RASD2: variants seen among roughly 807,000 people sequenced by gnomAD.
The protein encoded by RASD2 is RASD family member 2, also known as GTP-binding protein Rhes.
RASD2 carries 7 observed loss-of-function variants against 15.8 expected under a neutral mutation model. The observed-to-expected ratio is 0.44, with a 90% confidence interval of 0.25 to 0.83. RASD2 has a LOEUF of 0.83. Among genes scored for constraint, RASD2 ranks in the 40% least tolerant of loss-of-function variants. The probability of loss-of-function intolerance (pLI) is 0.20; values close to 1 mark genes in which losing one functional copy is unlikely to be tolerated. For synonymous variants in RASD2, 155 were observed against 153.6 expected, an observed-to-expected ratio of 1.01 and a Z score of -0.07; for missense variants, 274 against 382.8, an observed-to-expected ratio of 0.72 and a Z score of 2.37.
chr22:35,545,955 C>A (rs1351340751), intron 1 of RASD2, among the ~76,000 whole-genome samples: 1 of 152,060 alleles, frequency 6.6e-6, no homozygotes, highest in Non-Finnish European at 1.5e-5. Context: ...GGTCAAGAGG[C>A]TCCCATAGAA....
rs143314916 is a variant in RASD2, at chr22:35,548,134, G to A, written c.271+1054G>A. Among the ~76,000 whole-genome samples, 138 of 152,324 alleles carry A rather than the reference G, an allele frequency of 9.1e-4. 1 individual carries two copies. Among genetic ancestry groups the A allele is most frequent in the African/African-American group, 3.0e-3 (123 of 41,568 alleles). On this transcript the variant is annotated intron_variant, in intron 2 of 2. Coordinates refer to ENST00000216127, the MANE Select transcript of RASD2 (RefSeq NM_014310.4). ...AGGTTGGGGGGAAGAAGGGGTGAGT[G>A]GAGCTGAGGGGCTGTGCCCTTGTTT...
the RASD2 span, among the ~76,000 whole-genome samples, chr22:35,533,941 T>C: frequency 6.7e-6 from 1 of 148,994 alleles, no homozygotes; most frequent in African/African-American, 2.6e-5. Context: ...GTGATGATGA[T>C]GGTGATGATG....
upstream of RASD2, among the ~76,000 whole-genome samples, chr22:35,538,468 G>A (rs950912501): frequency 6.6e-6 from 1 of 152,090 alleles, no homozygotes; most frequent in Non-Finnish European, 1.5e-5. Flanking sequence ...GGGGGAAGGG[G>A]AAAATAGGCA....
upstream of RASD2, among the ~76,000 whole-genome samples, chr22:35,540,422 G>C (rs1199713325): frequency 6.7e-6 from 1 of 148,852 alleles, no homozygotes; most frequent in Non-Finnish European, 1.5e-5. Flanking sequence ...CGCGGGACCC[G>C]CCTCCCATTG....
chr22:35,538,227 C>T (rs547666832), upstream of RASD2, among the ~76,000 whole-genome samples: 414 of 152,268 alleles, frequency 2.7e-3, 1 homozygote, highest in Middle Eastern at 6.8e-3. Context: ...CCATCTTGGC[C>T]TCCCAAAGTG....
upstream of RASD2, among the ~76,000 whole-genome samples, chr22:35,538,724 T>C (rs1295708398): frequency 6.6e-6 from 1 of 152,182 alleles, no homozygotes; most frequent in Non-Finnish European, 1.5e-5. Flanking sequence ...AGGGAGCAAT[T>C]GGTTCTTGGG....
intron 1 of RASD2, among the ~76,000 whole-genome samples, chr22:35,541,951 C>G (rs1934360091): frequency 1.3e-5 from 2 of 152,174 alleles, no homozygotes; most frequent in African/African-American, 4.8e-5. Context: ...GAAGCTCCTT[C>G]GTTATCCAGA....
chr22:35,546,302 A>T (rs1934501416), intron 1 of RASD2, among the ~76,000 whole-genome samples: 1 of 152,180 alleles, frequency 6.6e-6, no homozygotes, highest in Non-Finnish European at 1.5e-5. Flanking sequence ...CAGGCTTAAG[A>T]AATGCATGCT....
upstream of RASD2, among the ~76,000 whole-genome samples, chr22:35,539,152 C>G (rs544250668): frequency 6.6e-6 from 1 of 152,338 alleles, no homozygotes; most frequent in African/African-American, 2.4e-5. Flanking sequence ...AGTCACTTTC[C>G]ATATTCAAAG....
At chr22:35,539,209 T>G (rs1000923296), upstream of RASD2, among the ~76,000 whole-genome samples, 5 of 152,216 alleles carry the variant, frequency 3.3e-5, no homozygotes, top group Non-Finnish European at 5.9e-5. Flanking sequence ...CCCATCAATA[T>G]CATACCCATT....
At chr22:35,545,508 G>A (rs956791023) in intron 1 of RASD2, among the ~76,000 whole-genome samples, 9 of 152,140 alleles carry the variant, frequency 5.9e-5, no homozygotes, top group Non-Finnish European at 1.0e-4. Flanking sequence ...CCAGCCATGC[G>A]CCTTGTGCAG....
Position 35,552,188 on chromosome 22 carries a change from C to G in RASD2, c.*156C>G. ...CCCCGGGCGCTGGCCTCCGCACATT[C>G]GTCTGCCTTCTCACAGCTTTCCTGA... is the stretch of plus-strand genomic sequence containing the variant. On this transcript the variant is annotated 3_prime_UTR_variant, in exon 3 of 3. Transcript: ENST00000216127. 1.1e-6 allele frequency: 1 copy of G among 942,832 alleles called. No homozygotes were observed. Among genetic ancestry groups the G allele is most frequent in the Non-Finnish European group, 1.5e-6 (1 of 650,034 alleles). 58.4% of individuals were successfully genotyped at this position (942,832 alleles called of 1,614,324 possible).
At chr22:35,539,048 A>G (rs902086362), upstream of RASD2, among the ~76,000 whole-genome samples, 2 of 152,214 alleles carry the variant, frequency 1.3e-5, no homozygotes, top group African/African-American at 4.8e-5. Flanking sequence ...ACAATCAGGT[A>G]GTACAGGTAC....
intron 1 of RASD2, among the ~76,000 whole-genome samples, chr22:35,543,975 T>G (rs1934425334): frequency 6.7e-6 from 1 of 150,358 alleles, no homozygotes; most frequent in Non-Finnish European, 1.5e-5. Context: ...TCCCTGCCTC[T>G]TTGACCCTCT....
chr22:35,539,997 C>T (rs1171371593), upstream of RASD2, among the ~76,000 whole-genome samples: 1 of 152,230 alleles, frequency 6.6e-6, no homozygotes, highest in Admixed American at 6.5e-5. Context: ...GCCTAGGTGA[C>T]TCCCCGCCCC....
In RASD2 at chr22:35,551,879, C is replaced by T; in HGVS notation, c.648C>T (p.Pro216=). ...VQYGDAFHPR[P]FCMRRVKEMD... ...ACGGTGACGCCTTCCACCCCAGGCC[C>T]TTCTGCATGCGCCGCGTCAAGGAGA... The change falls in exon 3 of 3, where the codon CCC becomes CCT. Residue 216 remains proline (P), a synonymous_variant. Transcript: ENST00000216127. The surrounding 1 kb of genome is among the most constrained non-coding windows in gnomAD (Gnocchi z 4.9). 1 of 1,613,832 alleles carries T rather than the reference C, an allele frequency of 6.2e-7. No individual in the cohort carries two copies. Among genetic ancestry groups the T allele is most frequent in the Non-Finnish European group, 8.5e-7 (1 of 1,180,042 alleles).
upstream of RASD2, among the ~76,000 whole-genome samples, chr22:35,540,347 C>G (rs1601809019): frequency 6.6e-6 from 1 of 150,646 alleles, no homozygotes; most frequent in East Asian, 1.9e-4. Flanking sequence ...CCCCACGCGC[C>G]CGGACACGCG....
At position 35,551,747 on chromosome 22, in the gene RASD2, G is replaced by C. The variant is rs770614000; in HGVS notation, c.516G>C (p.Ser172=). ...AGAACTGCGCCTACTTCGAGGTGTC[G>C]GCCAAGAAGAACACCAACGTGGACG... ...GDENCAYFEV[S]AKKNTNVDEM... Residue 172 remains serine (S), a synonymous_variant, in exon 3 of 3, where the codon TCG becomes TCC. Transcript: ENST00000216127. The surrounding 1 kb of genome is among the most constrained non-coding windows in gnomAD (Gnocchi z 4.9). 4 of 1,613,910 alleles carry C rather than the reference G, an allele frequency of 2.5e-6. No homozygotes were observed. The highest frequency in any genetic ancestry group is 2.5e-6 in the Non-Finnish European group (3 of 1,179,960).
Position 35,553,354 on chromosome 22 carries a change from A to G in RASD2, c.*1322A>G, listed in dbSNP as rs1934729879. 6.6e-6 allele frequency: 1 copy of G among 152,506 alleles called. No individual in the cohort carries two copies. Among genetic ancestry groups the G allele is most frequent in the African/African-American group, 2.4e-5 (1 of 41,412 alleles). The allele number at this position is 152,506 out of a possible 1,614,324, so 9.4% of individuals were successfully genotyped here. ...GGATTGGGCTATGCTGGGTACCACC[A>G]TGTACTCAGGCATGGTGGGTTTTGA... On this transcript the variant is annotated 3_prime_UTR_variant, in exon 3 of 3. Coordinates refer to ENST00000216127, the MANE Select transcript of RASD2 (RefSeq NM_014310.4).
Sources: gnomAD v4.1 joint callset for allele counts (sites outside exome capture counted in the v4.1 genomes callset) on GRCh38, gnomAD v4.1.1 for gene constraint, Gnocchi (gnomAD v3.1) non-coding constraint, MANE v1.5 for transcripts, NCBI Gene and HGNC (gene_info 2026-07-23, HGNC 2026-07-21) for gene names.